Variants in ROBO2 observed in about 807,000 individuals in gnomAD.
The protein encoded by ROBO2 is roundabout guidance receptor 2, also known as roundabout homolog 2.
ROBO2 carries 53 observed loss-of-function variants against 160.8 expected under a neutral mutation model. That is an observed-to-expected ratio of 0.33 (90% CI 0.26 to 0.41). ROBO2 has a LOEUF of 0.41. Among genes scored for constraint, ROBO2 ranks in the 10% least tolerant of loss-of-function variants. The pLI, the probability that ROBO2 is intolerant of heterozygous loss-of-function variation, is 1.00. For missense variants in ROBO2, 1,577 were observed against 1,722.4 expected, an observed-to-expected ratio of 0.92 and a Z score of 1.49; for synonymous variants, 664 against 611.7, an observed-to-expected ratio of 1.09 and a Z score of -1.26.
chr3:77,316,599 G>T (rs1262175187), intron 2 of ROBO2, among the ~76,000 whole-genome samples: 2 of 152,040 alleles, frequency 1.3e-5, no homozygotes, highest in Non-Finnish European at 1.5e-5. Flanking sequence ...CCTCTGAAAG[G>T]GTAACATCTT....
At chr3:76,947,272 A>G (rs975556988) in intron 2 of ROBO2, among the ~76,000 whole-genome samples, 2 of 152,074 alleles carry the variant, frequency 1.3e-5, no homozygotes, top group African/African-American at 4.8e-5. Flanking sequence ...TTCTATAAAA[A>G]AACATTCAAA....
chr3:77,612,684 C>T (rs944089680), intron 21 of ROBO2, among the ~76,000 whole-genome samples: 2 of 152,132 alleles, frequency 1.3e-5, no homozygotes, highest in African/African-American at 4.8e-5. Flanking sequence ...CGGTAGCTCA[C>T]TCTTGTAATC....
intron 2 of ROBO2, among the ~76,000 whole-genome samples, chr3:76,213,523 G>T (rs991829483): frequency 2.0e-5 from 3 of 151,984 alleles, no homozygotes; most frequent in Non-Finnish European, 4.4e-5. Context: ...ATTCAAAAAG[G>T]TAGTGTATTC....
intron 2 of ROBO2, among the ~76,000 whole-genome samples, chr3:77,389,620 T>C: frequency 6.6e-6 from 1 of 152,098 alleles, no homozygotes; most frequent in East Asian, 1.9e-4. Context: ...ATTTACTTTA[T>C]CTTCTTTCCT....
At chr3:76,744,421 A>G (rs2093851305) in intron 2 of ROBO2, among the ~76,000 whole-genome samples, 1 of 151,900 alleles carries the variant, frequency 6.6e-6, no homozygotes, top group Non-Finnish European at 1.5e-5. Flanking sequence ...GTGCAGTGGC[A>G]CAATCATAGC....
intron 6 of ROBO2, among the ~76,000 whole-genome samples, chr3:77,524,158 A>G (rs1582692501): frequency 6.6e-6 from 1 of 151,242 alleles, no homozygotes; most frequent in Non-Finnish European, 1.5e-5. Context: ...TTTCTTCTGT[A>G]GATATTCTAG....
intron 2 of ROBO2, among the ~76,000 whole-genome samples, chr3:77,199,801 G>T (rs67773415): frequency 0.18 from 11,881 of 66,404 alleles, 1,215 homozygotes; most frequent in African/African-American, 0.33. Context: ...TTTTTTTTTT[G>T]TTGTTTATAG....
intron 2 of ROBO2, among the ~76,000 whole-genome samples, chr3:77,154,796 A>G (rs188007067): frequency 1.3e-5 from 2 of 152,148 alleles, no homozygotes; most frequent in East Asian, 3.9e-4. Flanking sequence ...GTTCTGGTTT[A>G]TAAGTGAGAG....
intron 2 of ROBO2, among the ~76,000 whole-genome samples, chr3:76,565,127 A>G (rs1015947722): frequency 1.3e-5 from 2 of 152,152 alleles, no homozygotes; most frequent in African/African-American, 4.8e-5. Context: ...CAAATGGGGG[A>G]AGGTAGCTCT....
intron 2 of ROBO2, among the ~76,000 whole-genome samples, chr3:76,765,667 C>T (rs545056574): frequency 5.3e-5 from 8 of 151,744 alleles, no homozygotes; most frequent in Admixed American, 2.0e-4. Context: ...AGCTGAGCTC[C>T]CAACCAAGAG....
At chr3:77,646,054 A>G (rs767693784) in exon 26 of ROBO2, 1 of 1,592,702 alleles carries the variant, frequency 6.3e-7, no homozygotes, top group South Asian at 1.1e-5. Flanking sequence ...CTTTCTTTAG[A>G]GTAAATGAGA....
intron 2 of ROBO2, among the ~76,000 whole-genome samples, chr3:75,973,835 G>A (rs1043744463): frequency 2.6e-5 from 4 of 151,270 alleles, no homozygotes; most frequent in Non-Finnish European, 4.4e-5. Flanking sequence ...AGATTTCAGA[G>A]GTAGAAGAAA....
At chr3:76,293,318 G>A (rs1259542962) in intron 2 of ROBO2, among the ~76,000 whole-genome samples, 2 of 152,178 alleles carry the variant, frequency 1.3e-5, no homozygotes, top group Admixed American at 6.5e-5. Flanking sequence ...TCAAGGAACT[G>A]AATCTAATCT....
chr3:76,612,270 A>G (rs953664692), intron 2 of ROBO2, among the ~76,000 whole-genome samples: 1 of 152,228 alleles, frequency 6.6e-6, no homozygotes, highest in Non-Finnish European at 1.5e-5. Flanking sequence ...CATTGGGTCC[A>G]TTGGGTCTAT....
chr3:77,020,339 G>A (rs1211610016), intron 2 of ROBO2, among the ~76,000 whole-genome samples: 1 of 152,148 alleles, frequency 6.6e-6, no homozygotes, highest in Non-Finnish European at 1.5e-5. Context: ...GAAAATAGAA[G>A]TCCTTATTCA....
At chr3:77,474,848 G>T (rs896000835) in intron 2 of ROBO2, among the ~76,000 whole-genome samples, 1 of 152,162 alleles carries the variant, frequency 6.6e-6, no homozygotes, top group South Asian at 2.1e-4. Flanking sequence ...AGGCAGAAAT[G>T]AATAATTAGC....
At chr3:77,591,288 G>C (rs575588289) in intron 17 of ROBO2, among the ~76,000 whole-genome samples, 1 of 152,210 alleles carries the variant, frequency 6.6e-6, no homozygotes, top group Admixed American at 6.5e-5. Flanking sequence ...TCGGGAAAGG[G>C]AATGAGGCTT....
At chr3:77,307,664 A>G (rs1389160442) in intron 2 of ROBO2, among the ~76,000 whole-genome samples, 1 of 152,100 alleles carries the variant, frequency 6.6e-6, no homozygotes, top group Non-Finnish European at 1.5e-5. Context: ...TGGTGGATCA[A>G]TTGAGGTCAG....
At chr3:76,288,725 G>A (rs1213602562) in intron 2 of ROBO2, among the ~76,000 whole-genome samples, 3 of 152,128 alleles carry the variant, frequency 2.0e-5, no homozygotes, top group Non-Finnish European at 4.4e-5. Flanking sequence ...TCACTCATAA[G>A]TGAGAATACG....
Sources: gnomAD v4.1 joint callset for allele counts (sites outside exome capture counted in the v4.1 genomes callset) on GRCh38, gnomAD v4.1.1 for gene constraint, MANE v1.5 for transcripts, NCBI Gene and HGNC (gene_info 2026-07-23, HGNC 2026-07-21) for gene names.